Variants in PTPRT observed in about 807,000 individuals in gnomAD.
PTPRT encodes protein tyrosine phosphatase receptor type T.
In PTPRT, 56 loss-of-function variants were observed where a neutral mutation model predicts 176.8. That is an observed-to-expected ratio of 0.32 (90% CI 0.26 to 0.40). The LOEUF is 0.40. Ranked by LOEUF, PTPRT falls within the 10% of genes least tolerant of loss-of-function variation. PTPRT has a pLI of 1.00. For missense variants in PTPRT, 1,540 were observed against 1,908.2 expected (o/e 0.81, Z 3.60); for synonymous variants, 783 against 739.0 (o/e 1.06, Z -0.96).
At chr20:42,285,521 C>T (rs2057214803) in intron 12 of PTPRT, among the ~76,000 whole-genome samples, 1 of 151,896 alleles carries the variant, frequency 6.6e-6, no homozygotes. Context: ...AATCTTTTCT[C>T]AGGGAATAAC....
chr20:42,624,494 A>T (rs992047025), intron 7 of PTPRT, among the ~76,000 whole-genome samples: 1 of 152,192 alleles, frequency 6.6e-6, no homozygotes, highest in African/African-American at 2.4e-5. Flanking sequence ...AAAATTAACG[A>T]TTTTTAAAAG....
chr20:42,906,561 C>T (rs537438271), intron 1 of PTPRT, among the ~76,000 whole-genome samples: 17 of 152,346 alleles, frequency 1.1e-4, no homozygotes, highest in South Asian at 6.2e-4. Flanking sequence ...ACACAAGCCA[C>T]CTACAGATGG....
intron 1 of PTPRT, among the ~76,000 whole-genome samples, chr20:42,903,063 C>A (rs1020855133): frequency 2.0e-5 from 3 of 152,214 alleles, no homozygotes; most frequent in Non-Finnish European, 2.9e-5. Context: ...CCCATCTCGG[C>A]TCTTGACATG....
At position 42,774,180 on chromosome 20, in the gene PTPRT, G is replaced by A. The variant is rs76702585; in HGVS notation, c.569-2630C>T. On this transcript the variant is annotated intron_variant, in intron 4 of 30. Coordinates refer to ENST00000373187, the MANE Select transcript of PTPRT (RefSeq NM_007050.6). ...GCCAGTTATGTAAATTAATAAAGTCGTTCAGCTGTAAAACAAAACAAAAAT... is the reference window on the plus strand; with the variant it reads ...GCCAGTTATGTAAATTAATAAAGTCATTCAGCTGTAAAACAAAACAAAAAT... Among the ~76,000 whole-genome samples the A allele has an allele frequency of 6.6e-4, 100 of 152,264 alleles. 1 individual carries two copies. In the East Asian group the frequency reaches 0.017, roughly 25 times the overall value.
intron 9 of PTPRT, among the ~76,000 whole-genome samples, chr20:42,442,602 CAGAA>C (rs2059326505): frequency 1.3e-5 from 2 of 152,174 alleles, no homozygotes; most frequent in Admixed American, 1.3e-4. Context: ...GACTGCTAAA[CAGAA>C]AGGCTTACTG....
rs922684469 is a variant in PTPRT, at chr20:42,260,196, C to T, written c.2177-11374G>A. Reference sequence around the variant, plus strand: ...ACTACAAACTTGATTTCCACGTCATCCATGGTGTGGGACACATCAGGGCAT... The same window carrying T: ...ACTACAAACTTGATTTCCACGTCATTCATGGTGTGGGACACATCAGGGCAT... On this transcript the variant is annotated intron_variant, in intron 13 of 30. Coordinates refer to ENST00000373187, the MANE Select transcript of PTPRT (RefSeq NM_007050.6). Among the ~76,000 whole-genome samples, 9 of 152,322 alleles carry T rather than the reference C, an allele frequency of 5.9e-5. No individual in the cohort carries two copies. The Middle Eastern group carries it at 0.01, about 173-fold the overall frequency.
At chr20:42,963,770 T>C (rs547181771) in intron 1 of PTPRT, among the ~76,000 whole-genome samples, 60 of 152,302 alleles carry the variant, frequency 3.9e-4, no homozygotes, top group African/African-American at 1.4e-3. Context: ...TACTTTGTAT[T>C]CTGAAGACAA....
At chr20:42,576,886 T>G (rs1235745871) in intron 7 of PTPRT, among the ~76,000 whole-genome samples, 1 of 152,152 alleles carries the variant, frequency 6.6e-6, no homozygotes, top group African/African-American at 2.4e-5. Context: ...AGCTGCTTCA[T>G]CCACAGAGAT....
At chr20:42,967,262 G>A (rs1287496045) in intron 1 of PTPRT, among the ~76,000 whole-genome samples, 5 of 152,108 alleles carry the variant, frequency 3.3e-5, no homozygotes, top group Non-Finnish European at 5.9e-5. Context: ...TTTGGAAAAC[G>A]GGTCTTAGCA....
chr20:43,034,865 G>T (rs567915404), intron 1 of PTPRT, among the ~76,000 whole-genome samples: 1 of 151,904 alleles, frequency 6.6e-6, no homozygotes, highest in Non-Finnish European at 1.5e-5. Flanking sequence ...TGGAGAGGGG[G>T]GTCCCTGTCT....
intron 9 of PTPRT, among the ~76,000 whole-genome samples, chr20:42,402,464 T>G (rs6093636): frequency 0.013 from 1,703 of 133,930 alleles, 38 homozygotes; most frequent in African/African-American, 0.046. Context: ...CCCTGTTTGC[T>G]CAGGGAGGAT....
Position 42,885,888 on chromosome 20 carries a change from C to T in PTPRT, c.133G>A (p.Val45Met). ...DEHYSNCGYS[V>M]ALGTNGFTWE... ...GTGAACCCATTGGTCCCTAGAGCCA[C>T]ACTATAACCACAGTTGCTGTAGTGC... Residue 45 changes from valine to methionine, a missense_variant, in exon 2 of 31, where the codon GTG becomes ATG. Around this residue, in one of 11 missense-constraint regions of PTPRT, gnomAD observed 116 missense variants for 118.5 expected, o/e 0.98. Coordinates refer to ENST00000373187, the MANE Select transcript of PTPRT (RefSeq NM_007050.6). The T allele has an allele frequency of 6.2e-7, 1 of 1,610,838 alleles. No homozygotes were observed. Among genetic ancestry groups the T allele is most frequent in the Non-Finnish European group, 8.5e-7 (1 of 1,177,846 alleles).
intron 3 of PTPRT, among the ~76,000 whole-genome samples, chr20:42,783,071 T>C (rs899123285): frequency 1.3e-5 from 2 of 152,216 alleles, no homozygotes; most frequent in Non-Finnish European, 2.9e-5. Context: ...AAAAAAATCA[T>C]ATACTAGGCT....
intron 1 of PTPRT, among the ~76,000 whole-genome samples, chr20:43,041,343 C>G (rs2146213197): frequency 6.6e-6 from 1 of 152,278 alleles, no homozygotes; most frequent in East Asian, 1.9e-4. Context: ...AAATAATGTT[C>G]TTAAATGTTG....
intron 6 of PTPRT, among the ~76,000 whole-genome samples, chr20:42,725,009 TTGTGTGTGTGTG>T (rs147376328): frequency 5.9e-4 from 79 of 133,958 alleles, no homozygotes; most frequent in Non-Finnish European, 6.7e-5. Flanking sequence ...TGGACATCTT[TTGTGTGTGTGTG>T]TGTGTGTGTG....
intron 1 of PTPRT, among the ~76,000 whole-genome samples, chr20:43,083,345 T>TACATATATATATATATATAC (rs1555828966): frequency 1.7e-5 from 2 of 117,376 alleles, no homozygotes; most frequent in African/African-American, 6.2e-5. Context: ...TATATATATA[T>TACATATATATATATATATAC]ATATATATAT....
At chr20:42,481,510 C>G (rs895085594) in intron 7 of PTPRT, among the ~76,000 whole-genome samples, 5 of 152,128 alleles carry the variant, frequency 3.3e-5, no homozygotes, top group Admixed American at 2.6e-4. Flanking sequence ...TTGATTTCAA[C>G]CACAGTAATC....
intron 8 of PTPRT, among the ~76,000 whole-genome samples, chr20:42,449,241 T>C (rs2070784401): frequency 6.6e-6 from 1 of 152,158 alleles, no homozygotes; most frequent in Admixed American, 6.5e-5. Context: ...ATAATAACTA[T>C]TTGTTGGTTG....
chr20:42,053,771 T>G, the PTPRT span, among the ~76,000 whole-genome samples: 1 of 152,248 alleles, frequency 6.6e-6, no homozygotes, highest in South Asian at 2.1e-4. Context: ...ATTTTTTTCT[T>G]TGCATATTCG....
Sources: gnomAD v4.1 joint callset for allele counts (sites outside exome capture counted in the v4.1 genomes callset) on GRCh38, gnomAD v4.1.1 for gene constraint, gnomAD v4.1.1 regional missense constraint, MANE v1.5 for transcripts, NCBI Gene and HGNC (gene_info 2026-07-23, HGNC 2026-07-21) for gene names.